XPA: variants seen among roughly 807,000 people sequenced by gnomAD.
XPA encodes the protein DNA repair protein complementing XP-A cells.
In XPA, 27 loss-of-function variants were observed where a neutral mutation model predicts 35.7. That is an observed-to-expected ratio of 0.76 (90% CI 0.56 to 1.04). XPA has a LOEUF of 1.04. Among genes scored for constraint, XPA ranks in the 50% least tolerant of loss-of-function variants. The pLI is 0.00. For missense variants in XPA, 354 were observed against 342.7 expected, an observed-to-expected ratio of 1.03 and a Z score of -0.26; for synonymous variants, 133 against 118.4, an observed-to-expected ratio of 1.12 and a Z score of -0.80.
chr9:97,671,269 T>C (rs1828186072), downstream of XPA: 1 of 1,132,730 alleles, frequency 8.8e-7, no homozygotes. Flanking sequence ...TTTTGATGGT[T>C]TGAATGCTTG....
chr9:97,654,910 C>A, the XPA span: 1 of 1,611,976 alleles, frequency 6.2e-7, no homozygotes, highest in Non-Finnish European at 8.5e-7. Context: ...GCTATACATG[C>A]GTTTGGACAC....
chr9:97,693,372 A>G lies in XPA; in HGVS notation c.283+277T>C, dbSNP rs139746885. On this transcript the variant is annotated intron_variant, in intron 2 of 5. Coordinates refer to ENST00000375128, the MANE Select transcript of XPA (RefSeq NM_000380.4). ...ATTTTGAGTATTTATTCTACCAATC[A>G]ATATACTGGCTAACCCTGCCTATTA... Among the ~76,000 whole-genome samples, 13 of 152,316 alleles carry G rather than the reference A, an allele frequency of 8.5e-5. No homozygotes were observed. In the East Asian group the frequency reaches 2.5e-3, roughly 29 times the overall value.
chr9:97,672,305 A>G (rs1202748355), downstream of XPA: 1 of 152,230 alleles, frequency 6.6e-6, no homozygotes, highest in Non-Finnish European at 1.5e-5. Flanking sequence ...CAAAATAGGT[A>G]TAATTTTTTC....
intron 5 of XPA, among the ~76,000 whole-genome samples, chr9:97,683,774 A>G (rs1169055834): frequency 6.6e-6 from 1 of 152,186 alleles, no homozygotes; most frequent in Admixed American, 6.5e-5. Context: ...AAGGATTACA[A>G]CAACTTGTGT....
In XPA at chr9:97,675,203, CTG is replaced by C. The variant is rs568435573; in HGVS notation, c.*234_*235del. ...CTACTCTAGCACTCAGCTCCCATCT[CTG>C]TTGTAAGAAGGCAATCACAGACATG... On this transcript the variant is annotated 3_prime_UTR_variant, in exon 6 of 6. Coordinates refer to ENST00000375128, the MANE Select transcript of XPA (RefSeq NM_000380.4). The C allele has an allele frequency of 2.4e-3, 1,501 of 633,756 alleles. 2 individuals are homozygous for C. The highest frequency in any genetic ancestry group is 5.0e-3 in the Middle Eastern group (12 of 2,414). The allele number at this position is 633,756 out of a possible 1,614,324, so 39.3% of individuals were successfully genotyped here. A position where few individuals can be genotyped will look rare whatever the true frequency, so the allele number is the denominator to read the frequency against.
chr9:97,672,265 A>G (rs1477509955), downstream of XPA: 1 of 150,074 alleles, frequency 6.7e-6, no homozygotes, highest in Non-Finnish European at 1.5e-5. Flanking sequence ...GTAATCCTAC[A>G]ACTACTGGTA....
chr9:97,655,957 G>A, the XPA span: 1 of 1,497,986 alleles, frequency 6.7e-7, no homozygotes, highest in East Asian at 2.3e-5. Context: ...TAGTACAAAT[G>A]GGTGTAAGTG....
intron 1 of XPA, among the ~76,000 whole-genome samples, chr9:97,694,251 TGTGC>T (rs3176649): frequency 0.044 from 6,749 of 152,338 alleles, 207 homozygotes; most frequent in Non-Finnish European, 0.067. Context: ...GTTGTGTGTG[TGTGC>T]GTGCGCACGT....
chr9:97,677,395 A>G (rs1828399002), intron 5 of XPA, among the ~76,000 whole-genome samples: 1 of 152,170 alleles, frequency 6.6e-6, no homozygotes, highest in Non-Finnish European at 1.5e-5. Flanking sequence ...AAAGTAAGAA[A>G]GTATTCGGGG....
At position 97,684,955 on chromosome 9, in the gene XPA, A is replaced by T; in HGVS notation, c.641T>A (p.Met214Lys). 6.2e-7 allele frequency: 1 copy of T among 1,613,464 alleles called. No individual in the cohort carries two copies. ...KEVRQENREK[M>K]KQKKFDKKVK... is the part of the protein sequence containing the mutation. ...TTTTTTATCAAATTTCTTCTGTTTC[A>T]TTTTTTCTCGGTTTTCCTGTCGGAC... The change falls in exon 5 of 6, where the codon ATG becomes AAG. Residue 214 changes from methionine (M) to lysine (K), a missense_variant. Transcript: ENST00000375128.
At chr9:97,668,276 C>T in the XPA span, among the ~76,000 whole-genome samples, 1 of 152,074 alleles carries the variant, frequency 6.6e-6, no homozygotes, top group Non-Finnish European at 1.5e-5. Context: ...CCTTGTTTTT[C>T]TTTTCCTTTA....
At chr9:97,688,300 A>G (rs1828781781) in intron 3 of XPA, among the ~76,000 whole-genome samples, 2 of 152,264 alleles carry the variant, frequency 1.3e-5, no homozygotes, top group South Asian at 4.1e-4. Flanking sequence ...CCACTTTGAC[A>G]GGCAGTGATG....
chr9:97,664,274 TG>T, the XPA span: 1 of 975,820 alleles, frequency 1.0e-6, no homozygotes, highest in Non-Finnish European at 1.5e-6. Context: ...AGCAGCAGTG[TG>T]GTGGCACATA....
the XPA span, among the ~76,000 whole-genome samples, chr9:97,660,457 A>C: frequency 6.6e-6 from 1 of 152,230 alleles, no homozygotes; most frequent in Non-Finnish European, 1.5e-5. Context: ...AAAAAAGAAA[A>C]GTACAAAAAC....
At chr9:97,661,107 T>G in the XPA span, 1 of 1,604,220 alleles carries the variant, frequency 6.2e-7, no homozygotes, top group African/African-American at 1.3e-5. Flanking sequence ...GAACTATGTA[T>G]AGGCCAACTT....
Position 97,681,277 on chromosome 9 carries a change from T to C in XPA, c.673+3646A>G, listed in dbSNP as rs116943831. Among the ~76,000 whole-genome samples the C allele has an allele frequency of 3.9e-5, 6 of 152,312 alleles. No homozygotes were observed. The East Asian group carries it at 1.2e-3, about 29-fold the overall frequency. The stretch of plus-strand genomic sequence containing the variant: ...TGGTAGGACAGTAAGTATTGACTCA[T>C]GGTGCCCCTTGTTAACAGGAGGAAA... On this transcript the variant is annotated intron_variant, in intron 5 of 5. Coordinates refer to ENST00000375128, the MANE Select transcript of XPA (RefSeq NM_000380.4).
At chr9:97,674,359 A>G (rs558619388), downstream of XPA, among the ~76,000 whole-genome samples, 1 of 152,354 alleles carries the variant, frequency 6.6e-6, no homozygotes, top group African/African-American at 2.4e-5. Flanking sequence ...ATTTCTGTGT[A>G]GTCTGAATTA....
At chr9:97,664,426 A>G in the XPA span, 7 of 1,606,244 alleles carry the variant, frequency 4.4e-6, no homozygotes, top group Admixed American at 6.7e-5. Flanking sequence ...CTTCAGAACT[A>G]TCTCGTGACT....
At position 97,687,158 on chromosome 9, in the gene XPA, T is replaced by C; in HGVS notation, c.493A>G (p.Ile165Val). The C allele has an allele frequency of 6.2e-7, 1 of 1,612,892 alleles. No homozygotes were observed. The highest frequency in any genetic ancestry group is 8.5e-7 in the Non-Finnish European group (1 of 1,179,704). ...GAATGATGTGGATTCTTCTTCACAATAAATTTAAGAGGTGGCTCTCTTTTT... is the reference window on the plus strand; with the variant it reads ...GAATGATGTGGATTCTTCTTCACAACAAATTTAAGAGGTGGCTCTCTTTTT... ...LEKREPPLKF[I>V]VKKNPHHSQW... The change falls in exon 4 of 6, where the codon ATT becomes GTT. Residue 165 changes from isoleucine to valine, a missense_variant. Transcript: ENST00000375128.
Sources: allele counts gnomAD v4.1 joint callset (sites outside exome capture counted in the v4.1 genomes callset), GRCh38; gene constraint gnomAD v4.1.1; transcripts MANE v1.5; gene names NCBI Gene and HGNC (gene_info 2026-07-23, HGNC 2026-07-21).